Variants in ZNF722 observed in about 807,000 individuals in gnomAD.
ZNF722 encodes the protein zinc finger protein 722, also known as zinc finger protein 479 pseudogene.
chr7:64,006,216 TA>T, the ZNF722 span: 3 of 1,236,808 alleles, frequency 2.4e-6, no homozygotes, highest in Non-Finnish European at 3.3e-6. Flanking sequence ...TTTTTCTTAA[TA>T]AAACAGGTAT....
the ZNF722 span, chr7:64,005,463 T>A: frequency 1.9e-6 from 1 of 519,192 alleles, no homozygotes; most frequent in African/African-American, 2.0e-5. Context: ...TTAAAAATTA[T>A]CTTATCGAAT....
chr7:64,014,887 A>T, the ZNF722 span: 1 of 686,252 alleles, frequency 1.5e-6, no homozygotes, highest in Non-Finnish European at 2.4e-6. Flanking sequence ...AGGTTTATAC[A>T]TCTATGAAGG....
chr7:64,010,168 T>G, the ZNF722 span, among the ~76,000 whole-genome samples: 2 of 152,140 alleles, frequency 1.3e-5, no homozygotes, highest in Admixed American at 1.3e-4. Context: ...GGTCTATCAA[T>G]TTTGGTGATC....
At chr7:64,015,808 CTGGAGAGAAACCCTACAAA>C in the ZNF722 span, 1 of 1,610,300 alleles carries the variant, frequency 6.2e-7, no homozygotes, top group South Asian at 1.1e-5. Context: ...AGAATTCATA[CTGGAGAGAAACCCTACAAA>C]TGTGAAGAAT....
At chr7:64,000,716 G>T in the ZNF722 span, among the ~76,000 whole-genome samples, 194 of 149,966 alleles carry the variant, frequency 1.3e-3, no homozygotes, top group Non-Finnish European at 5.5e-4. Flanking sequence ...CTCCCAAAGT[G>T]CTGGGATTAC....
At chr7:64,002,018 G>C in the ZNF722 span, among the ~76,000 whole-genome samples, 1 of 151,920 alleles carries the variant, frequency 6.6e-6, no homozygotes. Flanking sequence ...CGAGTAGCTG[G>C]GATTATGGGC....
chr7:64,007,962 G>A, the ZNF722 span, among the ~76,000 whole-genome samples: 1 of 152,156 alleles, frequency 6.6e-6, no homozygotes, highest in Non-Finnish European at 1.5e-5. Flanking sequence ...GTATCTCATT[G>A]TGGTTTTGAT....
the ZNF722 span, among the ~76,000 whole-genome samples, chr7:64,005,375 C>T: frequency 6.6e-6 from 1 of 151,504 alleles, no homozygotes; most frequent in South Asian, 2.1e-4. Flanking sequence ...ATTTATCATC[C>T]AGAAAACTAT....
At chr7:64,004,438 A>G in the ZNF722 span, among the ~76,000 whole-genome samples, 1 of 133,606 alleles carries the variant, frequency 7.5e-6, no homozygotes, top group Non-Finnish European at 1.6e-5. Flanking sequence ...ATATATATAT[A>G]TATATATATA....
the ZNF722 span, chr7:64,015,972 G>A: frequency 1.8e-6 from 2 of 1,085,530 alleles, no homozygotes; most frequent in South Asian, 1.5e-5. Flanking sequence ...AATTTATGCT[G>A]GAAAAAAACA....
At chr7:64,006,356 G>A in the ZNF722 span, 8 of 1,202,500 alleles carry the variant, frequency 6.7e-6, no homozygotes, top group Non-Finnish European at 1.2e-6. Flanking sequence ...ACACAGATGA[G>A]AGATACACAA....
the ZNF722 span, chr7:64,015,185 A>T: frequency 1.5e-6 from 2 of 1,325,392 alleles, no homozygotes; most frequent in Non-Finnish European, 2.2e-6. Context: ...TGCACAAAGG[A>T]GGTTATAATG....
chr7:64,016,009 C>A, the ZNF722 span: 1 of 858,156 alleles, frequency 1.2e-6, no homozygotes, highest in Non-Finnish European at 1.7e-6. Flanking sequence ...TATGGACAAA[C>A]CTTTAACAAG....
At chr7:64,005,729 G>C in the ZNF722 span, 2 of 1,572,238 alleles carry the variant, frequency 1.3e-6, no homozygotes, top group African/African-American at 1.4e-5. Flanking sequence ...CAGAAACCTG[G>C]TCTCCCTGGG....
At chr7:64,015,363 C>A in the ZNF722 span, 1 of 1,488,868 alleles carries the variant, frequency 6.7e-7, no homozygotes. Context: ...GCCTTCACAC[C>A]TAAATCAACA....
At chr7:63,999,069 C>G in the ZNF722 span, 26 of 1,508,522 alleles carry the variant, frequency 1.7e-5, no homozygotes, top group African/African-American at 8.2e-5. Flanking sequence ...TGGCTTGTAG[C>G]AGGACCCAAA....
At chr7:64,009,695 A>G in the ZNF722 span, among the ~76,000 whole-genome samples, 1 of 152,140 alleles carries the variant, frequency 6.6e-6, no homozygotes, top group Admixed American at 6.6e-5. Context: ...ATATTGGTCT[A>G]AAATTCTCTT....
the ZNF722 span, among the ~76,000 whole-genome samples, chr7:64,010,642 T>C: frequency 1.3e-5 from 2 of 152,224 alleles, no homozygotes; most frequent in Non-Finnish European, 2.9e-5. Context: ...TTACATTTGC[T>C]GAGGAGTGCT....
At chr7:64,017,822 T>G in the ZNF722 span, among the ~76,000 whole-genome samples, 1 of 152,202 alleles carries the variant, frequency 6.6e-6, no homozygotes, top group Non-Finnish European at 1.5e-5. Context: ...AGAAGTAGTT[T>G]TTTTTGGAGA....
Sources: allele counts gnomAD v4.1 joint callset (sites outside exome capture counted in the v4.1 genomes callset), GRCh38; gene constraint gnomAD v4.1.1; transcripts MANE v1.5; gene names NCBI Gene and HGNC (gene_info 2026-07-23, HGNC 2026-07-21).